Variants in FTSJ1 observed in about 807,000 individuals in gnomAD.
FTSJ1 encodes the protein FtsJ RNA 2'-O-methyltransferase 1, also known as tRNA (cytidine(32)/guanosine(34)-2'-O)-methyltransferase.
FTSJ1 carries 3 observed loss-of-function variants against 28.5 expected under a neutral mutation model. That is an observed-to-expected ratio of 0.11 (90% CI 0.05 to 0.27). FTSJ1 has a LOEUF of 0.27. Ranked by LOEUF, FTSJ1 falls within the 10% of genes least tolerant of loss-of-function variation. The pLI, the probability that FTSJ1 is intolerant of heterozygous loss-of-function variation, is 1.00. For synonymous variants in FTSJ1, 104 were observed against 113.9 expected, an observed-to-expected ratio of 0.91 and a Z score of 0.55; for missense variants, 162 against 279.0, an observed-to-expected ratio of 0.58 and a Z score of 2.99.
In FTSJ1 at chrX:48,486,100, T is replaced by C. The variant is rs910768472; in HGVS notation, c.*374T>C. The C allele has an allele frequency of 1.8e-5, 2 of 112,119 alleles. No individual in the cohort carries two copies. Among genetic ancestry groups the C allele is most frequent in the Admixed American group, 1.9e-4 (2 of 10,566 alleles). 9.2% of individuals were successfully genotyped at this position (112,119 alleles called of 1,213,427 possible). On this transcript the variant is annotated 3_prime_UTR_variant, in exon 13 of 13. Coordinates refer to ENST00000348411, the MANE Select transcript of FTSJ1 (RefSeq NM_012280.4). Reference sequence around the variant, plus strand: ...CAATGAAACTGAAATTTAGCCTTACTCCCAAGTTATAAATGCTGGCAACAA... The same window carrying C: ...CAATGAAACTGAAATTTAGCCTTACCCCCAAGTTATAAATGCTGGCAACAA...
chrX:48,482,605 C>T lies in FTSJ1; in HGVS notation c.768C>T (p.Gly256=), dbSNP rs146840522. ...SDRSYPLDLE[G]GSEYKYTPPT... ...CCCCTCTGTCCCTGCAGCTAGAGGG[C>T]GGCTCAGAGTACAAGTACACTCCAC... The change falls in exon 11 of 13, where the codon GGC becomes GGT. Residue 256 remains glycine, a synonymous_variant. Transcript: ENST00000348411. 2.6e-5 allele frequency: 31 copies of T among 1,196,986 alleles called. No individual in the cohort carries two copies. In the African/African-American group the frequency reaches 4.2e-4, roughly 16 times the overall value.
intron 12 of FTSJ1, among the ~76,000 whole-genome samples, chrX:48,483,815 G>A (rs1156314937): frequency 9.0e-6 from 1 of 110,642 alleles, no homozygotes; most frequent in East Asian, 2.8e-4. Context: ...GGTTGTCATA[G>A]AAGGCCTCAG....
At chrX:48,480,180 G>A (rs931337010) in intron 5 of FTSJ1, among the ~76,000 whole-genome samples, 2 of 110,841 alleles carry the variant, frequency 1.8e-5, no homozygotes, top group Non-Finnish European at 3.8e-5. Flanking sequence ...GGGTACCATA[G>A]GGAAATCATT....
intron 1 of FTSJ1, chrX:48,476,625 C>G (rs2061533711): frequency 5.6e-6 from 1 of 178,105 alleles, no homozygotes; most frequent in South Asian, 3.1e-4. Context: ...TCGGAGCCGC[C>G]TGGAGGGGTA....
rs1253768093 is a variant in FTSJ1 at position 48,476,248 on chromosome X, A to G, written c.-236A>G. 3.4e-6 allele frequency: 1 copy of G among 297,325 alleles called. No homozygotes were observed. Among genetic ancestry groups the G allele is most frequent in the Non-Finnish European group, 5.9e-6 (1 of 170,274 alleles). The allele number at this position is 297,325 out of a possible 1,213,427, so 24.5% of individuals were successfully genotyped here. A position where few individuals can be genotyped will look rare whatever the true frequency, so the allele number is the denominator to read the frequency against. On this transcript the variant is annotated 5_prime_UTR_variant, in exon 1 of 13. Transcript: ENST00000348411. ...GGAACCTGGGCGATCCACGATGCCG[A>G]GTTTGCCACGCTGCGACAGCCCATA...
intron 12 of FTSJ1, among the ~76,000 whole-genome samples, chrX:48,484,529 G>A (rs946290723): frequency 3.6e-5 from 4 of 110,665 alleles, no homozygotes; most frequent in Admixed American, 9.7e-5. Flanking sequence ...GATTACAGAC[G>A]TGTGCTCCCA....
rs781911440 is a variant in FTSJ1, at chrX:48,481,339, C to A, written c.465C>A (p.Ala155=). The part of the protein sequence containing the change: ...HVLKPGGCFV[A]KIFRGRDVTL... Reference sequence around the variant, plus strand: ...TGAAGCCAGGGGGCTGCTTTGTGGCCAAGGTAAGTCTCAAGGAACTTGGTG... The same window carrying A: ...TGAAGCCAGGGGGCTGCTTTGTGGCAAAGGTAAGTCTCAAGGAACTTGGTG... The change falls in exon 7 of 13, where the codon GCC becomes GCA. Residue 155 remains alanine (A), a synonymous_variant. Coordinates refer to ENST00000348411, the MANE Select transcript of FTSJ1 (RefSeq NM_012280.4). 4 of 1,206,486 alleles carry A rather than the reference C, an allele frequency of 3.3e-6. No individual in the cohort carries two copies. The highest frequency in any genetic ancestry group is 4.5e-6 in the Non-Finnish European group (4 of 892,476).
At chrX:48,482,857 ATCTCATGG>A in intron 11 of FTSJ1, 63 bp downstream of exon 11, 2 of 1,206,730 alleles carry the variant, frequency 1.7e-6, no homozygotes, top group Non-Finnish European at 2.2e-6. Context: ...TCTGACCCAA[ATCTCATGG>A]TTTCTGGGGC....
intron 2 of FTSJ1, 111 bp downstream of exon 2, chrX:48,478,279 T>G: frequency 1.1e-6 from 1 of 888,234 alleles, no homozygotes; most frequent in Non-Finnish European, 1.6e-6. Context: ...AGAGGGTCTC[T>G]GGGGCAGGGA....
intron 1 of FTSJ1, among the ~76,000 whole-genome samples, chrX:48,476,968 A>T (rs1238362047): frequency 9.1e-6 from 1 of 110,054 alleles, no homozygotes; most frequent in Non-Finnish European, 1.9e-5. Flanking sequence ...GGAATAATAG[A>T]TGGATGGAGG....
chrX:48,483,259 A>G, intron 12 of FTSJ1: 4 of 415,997 alleles, frequency 9.6e-6, no homozygotes, highest in Non-Finnish European at 1.3e-5. Context: ...CTAGGTTTGG[A>G]GATAGAGCAG....
At chrX:48,481,107 C>T (rs1556968356) in intron 5 of FTSJ1, 44 bp from the exon 6 acceptor site, 3 of 1,118,682 alleles carry the variant, frequency 2.7e-6, no homozygotes, top group Non-Finnish European at 3.7e-6. Flanking sequence ...AGAAGATGCA[C>T]AGAGCCAGAT....
intron 12 of FTSJ1, among the ~76,000 whole-genome samples, chrX:48,484,272 T>A (rs2061588211): frequency 9.0e-6 from 1 of 111,325 alleles, no homozygotes; most frequent in Non-Finnish European, 1.9e-5. Flanking sequence ...TTTTGCCATG[T>A]TGACCAGACT....
At position 48,481,639 on chromosome X, in the gene FTSJ1, C is replaced by T. The variant is rs782778955; in HGVS notation, c.579C>T (p.Phe193=). 7.6e-6 allele frequency: 9 copies of T among 1,189,866 alleles called. No individual in the cohort carries two copies. Among genetic ancestry groups the T allele is most frequent in the African/African-American group, 3.5e-5 (2 of 57,011 alleles). Residue 193 remains phenylalanine, a synonymous_variant, in exon 9 of 13, where the codon TTC becomes TTT. Coordinates refer to ENST00000348411, the MANE Select transcript of FTSJ1 (RefSeq NM_012280.4). ...TCCACCTTCCCCTGGCAGAGGCCTT[C>T]GCTGTCTGTCAGGGCTATGACCCTC... is the stretch of plus-strand genomic sequence containing the variant. The part of the protein sequence containing the change: ...RSSRNSSIEA[F]AVCQGYDPPE...
At chrX:48,481,587 G>A (rs917226663) in intron 8 of FTSJ1, 45 bp from the exon 9 acceptor site, 9 of 1,149,699 alleles carry the variant, frequency 7.8e-6, no homozygotes, top group Non-Finnish European at 1.1e-5. Flanking sequence ...CCGACTGCAC[G>A]AGGAGGAAGC....
rs782527677 is a variant in FTSJ1, at chrX:48,478,177, C to G, written c.121+9C>G. On this transcript the variant is annotated intron_variant, in intron 2 of 12. Transcript: ENST00000348411. ...ATTCCAACTCTTCCAAGGTCCCTGA[C>G]TGGTGGGCAGGTCACTGGGCGGTGA... 2.9e-5 allele frequency: 35 copies of G among 1,203,141 alleles called. No individual in the cohort carries two copies. Among genetic ancestry groups the G allele is most frequent in the Non-Finnish European group, 3.7e-5 (33 of 890,664 alleles).
intron 12 of FTSJ1, 84 bp downstream of exon 12, chrX:48,483,111 A>G (rs2061580353): frequency 2.8e-6 from 2 of 704,668 alleles, no homozygotes; most frequent in Non-Finnish European, 4.6e-6. Context: ...TGAAATTTTT[A>G]TGTCAACTGA....
intron 4 of FTSJ1, 119 bp from the exon 5 acceptor site, chrX:48,478,919 G>C: frequency 1.6e-6 from 1 of 615,359 alleles, no homozygotes; most frequent in Non-Finnish European, 2.7e-6. Context: ...CCCAGTCTTA[G>C]AGAGGCAAAG....
In FTSJ1 at chrX:48,482,397, C is replaced by G. The variant is rs183649523; in HGVS notation, c.656-6C>G. 277 of 1,178,033 alleles carry G rather than the reference C, an allele frequency of 2.4e-4. 2 individuals are homozygous for G. The East Asian group carries it at 7.1e-3, about 30-fold the overall frequency. ...TTGTCCTCAGTTGTCTCCCCCTGTTCCTAAGACCCAGATTTCAACCAGCTG... is the reference window on the plus strand; with the variant it reads ...TTGTCCTCAGTTGTCTCCCCCTGTTGCTAAGACCCAGATTTCAACCAGCTG... On this transcript the variant is annotated splice_region_variant and splice_polypyrimidine_tract_variant and intron_variant, in intron 9 of 12. Transcript: ENST00000348411.
Sources: gnomAD v4.1 joint callset for allele counts (sites outside exome capture counted in the v4.1 genomes callset) on GRCh38, gnomAD v4.1.1 for gene constraint, MANE v1.5 for transcripts, NCBI Gene and HGNC (gene_info 2026-07-23, HGNC 2026-07-21) for gene names.